The following ATP11A variants were observed in gnomAD, a reference collection of about 807,000 sequenced individuals.
ATP11A encodes the protein phospholipid-transporting ATPase IH.
A neutral mutation model predicts 154.4 loss-of-function variants in ATP11A; 81 were observed. The observed-to-expected ratio is 0.52, with a 90% CI of 0.44 to 0.63. The LOEUF (loss-of-function observed/expected upper bound fraction) is 0.63, where lower values mean the gene tolerates loss of function less well. Ranked by LOEUF, ATP11A falls within the 30% of genes least tolerant of loss-of-function variation. The probability of loss-of-function intolerance (pLI) is 0.00; values close to 1 mark genes in which losing one functional copy is unlikely to be tolerated. For missense variants in ATP11A, 1,316 were observed against 1,474.3 expected (o/e 0.89, Z 1.76); for synonymous variants, 623 against 585.9 (o/e 1.06, Z -0.91).
intron 1 of ATP11A, among the ~76,000 whole-genome samples, chr13:112,769,545 G>A (rs116912909): frequency 1.8e-3 from 274 of 152,330 alleles, no homozygotes; most frequent in Middle Eastern, 3.4e-3. Context: ...TAATGCCTGA[G>A]TTTATAGTTC....
At chr13:112,822,723 G>A (rs71446654) in intron 8 of ATP11A, among the ~76,000 whole-genome samples, 10,775 of 146,210 alleles carry the variant, frequency 0.074, 566 homozygotes, top group African/African-American at 0.15. Flanking sequence ...CAGCCTGGGC[G>A]ACAGAGTGAG....
At chr13:112,742,462 T>C (rs1891665731) in intron 1 of ATP11A, among the ~76,000 whole-genome samples, 1 of 152,088 alleles carries the variant, frequency 6.6e-6, no homozygotes, top group African/African-American at 2.4e-5. Flanking sequence ...TGGGGGGACT[T>C]ATGACAGGTG....
chr13:112,782,135 G>A (rs538095017), intron 1 of ATP11A, among the ~76,000 whole-genome samples: 15 of 152,374 alleles, frequency 9.8e-5, no homozygotes, highest in African/African-American at 3.1e-4. Flanking sequence ...TGTTTTTGAT[G>A]TAATTATTTA....
chr13:112,791,291 C>G (rs552433984), intron 2 of ATP11A, among the ~76,000 whole-genome samples: 120 of 152,374 alleles, frequency 7.9e-4, no homozygotes, highest in African/African-American at 2.8e-3. Flanking sequence ...CCGCGGCGCC[C>G]CCTGCACAGT....
chr13:112,875,586 AC>A lies in ATP11A; in HGVS notation c.3162-186del, dbSNP rs2080696403. Among the ~76,000 whole-genome samples, 1 of 149,844 alleles carries A rather than the reference AC, an allele frequency of 6.7e-6. No homozygotes were observed. Among genetic ancestry groups the A allele is most frequent in the African/African-American group, 2.5e-5 (1 of 40,534 alleles). On this transcript the variant is annotated intron_variant, in intron 27 of 29. Transcript: ENST00000375645. This position sits in a 1 kb window ranked among gnomAD's most constrained non-coding sequence, Gnocchi z 4.1. ...TAGAATTCCTTCTCCCGTTCCTCTTACCCCAGCATTACCGGGAGGTTCAGTG... is the reference window on the plus strand; with the variant it reads ...TAGAATTCCTTCTCCCGTTCCTCTTACCCAGCATTACCGGGAGGTTCAGTG...
chr13:112,766,598 TTGCATCCGTC>T (rs148791268), intron 1 of ATP11A, among the ~76,000 whole-genome samples: 3,884 of 152,104 alleles, frequency 0.026, 186 homozygotes, highest in African/African-American at 0.089. Context: ...CGTCACATGC[TTGCATCCGTC>T]TCCCTGTAAG....
intron 25 of ATP11A, among the ~76,000 whole-genome samples, chr13:112,871,161 A>G (rs908881383): frequency 1.3e-5 from 2 of 152,058 alleles, no homozygotes; most frequent in Non-Finnish European, 2.9e-5. Flanking sequence ...TTTCCTCTGC[A>G]TTTACTCGCA....
At chr13:112,881,442 A>C in intron 29 of ATP11A, 1 of 1,057,786 alleles carries the variant, frequency 9.5e-7, no homozygotes, top group Non-Finnish European at 1.1e-6. Flanking sequence ...GTCTCTGGGT[A>C]CCGGTATGGC....
At chr13:112,857,690 C>G (rs7325522) in intron 20 of ATP11A, 128 bp from the exon 21 acceptor site, 664,358 of 729,112 alleles carry the variant, frequency 0.91, 302,973 homozygotes, top group East Asian at 0.97. Flanking sequence ...TCGTAAATTA[C>G]CTCTAAGTAG....
chr13:112,820,347 T>C (rs904128323), intron 8 of ATP11A, among the ~76,000 whole-genome samples: 2 of 152,246 alleles, frequency 1.3e-5, no homozygotes, highest in African/African-American at 4.8e-5. Flanking sequence ...AGGCCGTTTT[T>C]GGGAATCTGT....
chr13:112,828,157 GC>G, intron 12 of ATP11A, among the ~76,000 whole-genome samples: 3 of 136,116 alleles, frequency 2.2e-5, no homozygotes, highest in Admixed American at 7.4e-5. Flanking sequence ...AAAGCGCCCA[GC>G]AGCGTTGAGT....
At chr13:112,722,172 G>A (rs187222938) in intron 1 of ATP11A, among the ~76,000 whole-genome samples, 142 of 152,050 alleles carry the variant, frequency 9.3e-4, no homozygotes, top group Non-Finnish European at 1.6e-3. Flanking sequence ...CAAAGTGGTC[G>A]GGGCACAGCT....
intron 14 of ATP11A, 121 bp from the exon 15 acceptor site, chr13:112,834,455 AGTTTATAATCTCT>A (rs2079177604): frequency 1.5e-6 from 1 of 653,398 alleles, no homozygotes; most frequent in African/African-American, 1.8e-5. Context: ...TTTATAATGC[AGTTTATAATCTCT>A]GTTTAACTGA....
chr13:112,749,193 C>T (rs977944479), intron 1 of ATP11A, among the ~76,000 whole-genome samples: 1 of 152,228 alleles, frequency 6.6e-6, no homozygotes, highest in African/African-American at 2.4e-5. Flanking sequence ...CACAGTGCAG[C>T]CGGTCTAGCT....
chr13:112,793,504 G>C (rs2077916392), intron 2 of ATP11A, among the ~76,000 whole-genome samples: 1 of 152,168 alleles, frequency 6.6e-6, no homozygotes, highest in Non-Finnish European at 1.5e-5. Context: ...CGCCCATCCA[G>C]GGGCACGTTT....
At chr13:112,691,483 G>GTGTGTGTGT (rs111354648) in intron 1 of ATP11A, among the ~76,000 whole-genome samples, 11 of 125,134 alleles carry the variant, frequency 8.8e-5, no homozygotes, top group South Asian at 2.6e-4. Context: ...AAAAAAAAAG[G>GTGTGTGTGT]GTGTGTGTGT....
chr13:112,698,525 C>G (rs1482662568), intron 1 of ATP11A, among the ~76,000 whole-genome samples: 3 of 152,158 alleles, frequency 2.0e-5, no homozygotes, highest in South Asian at 2.1e-4. Flanking sequence ...GAAGGAAGCC[C>G]TGGCAGCCCG....
At chr13:112,765,493 CTCTGGGACATGG>C (rs1488914121) in intron 1 of ATP11A, among the ~76,000 whole-genome samples, 1 of 152,232 alleles carries the variant, frequency 6.6e-6, no homozygotes, top group African/African-American at 2.4e-5. Context: ...CTGAGCGTGT[CTCTGGGACATGG>C]TTAAGGTTAA....
rs533499411 is a variant in ATP11A at position 112,693,781 on chromosome 13, G to T, written c.39+3326G>T. On this transcript the variant is annotated intron_variant, in intron 1 of 29. Transcript: ENST00000375645. ...AACCTGGCCAACATGGTGAAACCCTGTCTCTACTAAAAATACAAAAATTAG... is the reference window on the plus strand; with the variant it reads ...AACCTGGCCAACATGGTGAAACCCTTTCTCTACTAAAAATACAAAAATTAG... Among the ~76,000 whole-genome samples, 31 of 152,164 alleles carry T rather than the reference G, an allele frequency of 2.0e-4. 1 individual carries two copies. The South Asian group carries it at 6.4e-3, about 32-fold the overall frequency.
Sources: gnomAD v4.1 joint callset for allele counts (sites outside exome capture counted in the v4.1 genomes callset) on GRCh38, gnomAD v4.1.1 for gene constraint, Gnocchi (gnomAD v3.1) non-coding constraint, MANE v1.5 for transcripts, NCBI Gene and HGNC (gene_info 2026-07-23, HGNC 2026-07-21) for gene names.